DPY19L3: variants seen among roughly 807,000 people sequenced by gnomAD.
The protein encoded by DPY19L3 is protein C-mannosyl-transferase DPY19L3.
Under a neutral mutation model 92.3 loss-of-function variants are expected in DPY19L3, and 51 were observed. The ratio of observed to expected loss-of-function variants is 0.55; its 90% confidence interval spans 0.44 to 0.70. The LOEUF (loss-of-function observed/expected upper bound fraction) is 0.70, where lower values mean the gene tolerates loss of function less well. Among genes scored for constraint, DPY19L3 ranks in the 30% least tolerant of loss-of-function variants. DPY19L3 has a pLI of 0.00. For missense variants in DPY19L3, 706 were observed against 855.9 expected, an observed-to-expected ratio of 0.82 and a Z score of 2.18; for synonymous variants, 309 against 315.2, an observed-to-expected ratio of 0.98 and a Z score of 0.21.
rs201200787 is a variant in DPY19L3, at chr19:32,461,686, TAAAA to T, written c.1323-1676_1323-1673del. ...TAGGAAAAAAAGGATTTCTGGGAAA[TAAAA>T]AAAGTCTCTAGTTACATAGAGAAGC... On this transcript the variant is annotated intron_variant, in intron 12 of 18. Transcript: ENST00000392250. 4.6e-5 allele frequency among the ~76,000 whole-genome samples: 7 copies of T among 152,218 alleles called. No individual in the cohort carries two copies. In the South Asian group the frequency reaches 1.5e-3, roughly 32 times the overall value.
chr19:32,423,422 G>GTTTTTTTTTTTTTTTTTTTTTTT (rs1599601418), intron 3 of DPY19L3, among the ~76,000 whole-genome samples: 1 of 48,484 alleles, frequency 2.1e-5, no homozygotes, highest in African/African-American at 7.7e-5. Flanking sequence ...TTTTTTTTTG[G>GTTTTTTTTTTTTTTTTTTTTTTT]TATTTTTAGT....
At chr19:32,413,556 C>T (rs1448898108) in intron 3 of DPY19L3, among the ~76,000 whole-genome samples, 2 of 151,390 alleles carry the variant, frequency 1.3e-5, no homozygotes, top group East Asian at 1.9e-4. Context: ...CCCACTAACT[C>T]GTCATCTAGC....
chr19:32,433,350 A>G (rs1283057267), intron 4 of DPY19L3, among the ~76,000 whole-genome samples: 2 of 152,234 alleles, frequency 1.3e-5, no homozygotes, highest in Admixed American at 6.5e-5. Context: ...GTGACAGAAA[A>G]CTGCTCTTTT....
intron 1 of DPY19L3, among the ~76,000 whole-genome samples, chr19:32,407,092 T>C (rs868453893): frequency 2.6e-5 from 4 of 151,588 alleles, no homozygotes; most frequent in Non-Finnish European, 4.4e-5. Flanking sequence ...TAGGAATTAA[T>C]AAACTGTGGA....
chr19:32,437,137 G>A (rs1344037281), intron 5 of DPY19L3, 57 bp from the exon 6 acceptor site: 8 of 1,600,306 alleles, frequency 5.0e-6, no homozygotes, highest in Non-Finnish European at 6.8e-6. Flanking sequence ...GTTTTAAATG[G>A]CACTGAGGAG....
intron 14 of DPY19L3, 113 bp from the exon 15 acceptor site, chr19:32,464,615 T>C (rs1970145688): frequency 1.7e-6 from 1 of 593,682 alleles, no homozygotes; most frequent in Non-Finnish European, 2.8e-6. Context: ...GACAGGAAAA[T>C]CACTTGAGCC....
chr19:32,419,670 G>A (rs1192410381), intron 3 of DPY19L3, among the ~76,000 whole-genome samples: 3 of 152,018 alleles, frequency 2.0e-5, no homozygotes, highest in Non-Finnish European at 4.4e-5. Context: ...TTGGCCTCAA[G>A]CAAGCCTCCC....
chr19:32,448,377 A>C (rs1969586917), intron 8 of DPY19L3, among the ~76,000 whole-genome samples: 1 of 152,294 alleles, frequency 6.6e-6, no homozygotes, highest in South Asian at 2.1e-4. Flanking sequence ...TTGACCCTTA[A>C]ACAACACAGG....
intron 3 of DPY19L3, among the ~76,000 whole-genome samples, chr19:32,426,347 T>C (rs988300616): frequency 1.3e-5 from 2 of 152,244 alleles, no homozygotes; most frequent in Non-Finnish European, 2.9e-5. Context: ...TTCATTCTTA[T>C]CATTGGTGCG....
intron 12 of DPY19L3, among the ~76,000 whole-genome samples, chr19:32,459,456 C>G (rs1969971704): frequency 6.6e-6 from 1 of 152,118 alleles, no homozygotes; most frequent in Non-Finnish European, 1.5e-5. Flanking sequence ...GTTTTATGAT[C>G]ATTAAGAATG....
Position 32,432,736 on chromosome 19 carries a change from A to T in DPY19L3, c.258A>T (p.Ser86=), listed in dbSNP as rs765449833. Residue 86 remains serine, a synonymous_variant, in exon 4 of 19, where the codon TCA becomes TCT. Transcript: ENST00000392250. ...SNIKEVEREI[S]FRTECGLYYS... Reference sequence around the variant, plus strand: ...TTTAGGAAGTGGAGCGAGAAATCTCATTCAGAACAGAGTGTGGCCTGTATT... The same window carrying T: ...TTTAGGAAGTGGAGCGAGAAATCTCTTTCAGAACAGAGTGTGGCCTGTATT... The T allele has an allele frequency of 6.2e-7, 1 of 1,613,232 alleles. No individual in the cohort carries two copies. Among genetic ancestry groups the T allele is most frequent in the Non-Finnish European group, 8.5e-7 (1 of 1,179,256 alleles).
rs1382672780 is a variant in DPY19L3, at chr19:32,483,990, T to C, written c.*1750T>C. Reference sequence around the variant, plus strand: ...ATTTTGTTTTCAAAATCCTCTGTTATGGCTATATTTAAATTTATTTTAAAT... The same window carrying C: ...ATTTTGTTTTCAAAATCCTCTGTTACGGCTATATTTAAATTTATTTTAAAT... On this transcript the variant is annotated 3_prime_UTR_variant, in exon 19 of 19. Coordinates refer to ENST00000392250, the MANE Select transcript of DPY19L3 (RefSeq NM_001172774.2). The C allele has an allele frequency of 1.3e-5, 2 of 152,648 alleles. No homozygotes were observed. The highest frequency in any genetic ancestry group is 2.4e-5 in the African/African-American group (1 of 41,458). The allele number at this position is 152,648 out of a possible 1,614,324, so 9.5% of individuals were successfully genotyped here.
chr19:32,474,869 A>G (rs1457923850), intron 16 of DPY19L3, among the ~76,000 whole-genome samples: 2 of 152,182 alleles, frequency 1.3e-5, no homozygotes, highest in Non-Finnish European at 2.9e-5. Context: ...GATTACAGAC[A>G]TGAGCCACCA....
chr19:32,468,744 TGATG>T lies in DPY19L3; in HGVS notation c.1633_1636del (p.Asp545AsnfsTer5). 1 of 1,614,010 alleles carries T rather than the reference TGATG, an allele frequency of 6.2e-7. No individual in the cohort carries two copies. The highest frequency in any genetic ancestry group is 8.5e-7 in the Non-Finnish European group (1 of 1,179,948). The stretch of plus-strand genomic sequence containing the variant: ...TTTTAATTTCAGTTCTGGCCAGGAA[TGATG>T]GATGAACTCTCCGAGTTGAGAGAAT... On this transcript the variant is annotated frameshift_variant, in exon 16 of 19. Transcript: ENST00000392250. LOFTEE classifies it high-confidence loss of function.
At position 32,436,455 on chromosome 19, in the gene DPY19L3, G is replaced by A; in HGVS notation, c.338G>A (p.Gly113Asp). Residue 113 changes from glycine to aspartate, a missense_variant, in exon 5 of 19, where the codon GGC becomes GAC. Physicochemically the swap from Gly to Asp is moderately conservative, Grantham distance 94. Transcript: ENST00000392250. Reference protein sequence around the residue: ...QAPTLVQGFHGLIYDNKTESM... With the variant: ...QAPTLVQGFHDLIYDNKTESM... ...TTTCACATATCTATAGGTTTTCATG[G>A]CCTAATATATGATAATAAAACTGAA... The A allele has an allele frequency of 1.3e-6, 2 of 1,517,430 alleles. No homozygotes were observed. The highest frequency in any genetic ancestry group is 1.8e-6 in the Non-Finnish European group (2 of 1,112,148). The allele number at this position is 1,517,430 out of a possible 1,614,324, so 94.0% of individuals were successfully genotyped here.
chr19:32,481,248 C>G (rs1436806944), intron 18 of DPY19L3: 1 of 152,950 alleles, frequency 6.5e-6, no homozygotes, highest in Admixed American at 6.5e-5. Context: ...AGTGACAAAC[C>G]TAGCCTAAAT....
At chr19:32,422,629 A>AACACACACAC (rs66481682) in intron 3 of DPY19L3, among the ~76,000 whole-genome samples, 6,572 of 146,744 alleles carry the variant, frequency 0.045, 413 homozygotes, top group African/African-American at 0.14. Flanking sequence ...AATCAGGAAA[A>AACACACACAC]ACACACACAC....
At chr19:32,463,082 GTT>G (rs5827799) in intron 12 of DPY19L3, among the ~76,000 whole-genome samples, 10 of 148,682 alleles carry the variant, frequency 6.7e-5, no homozygotes, top group African/African-American at 1.2e-4. Context: ...AAAAATTTGA[GTT>G]TTTTTTTTTG....
intron 2 of DPY19L3, among the ~76,000 whole-genome samples, chr19:32,410,133 T>G (rs550537757): frequency 6.6e-6 from 1 of 152,196 alleles, no homozygotes; most frequent in Non-Finnish European, 1.5e-5. Flanking sequence ...TTGGCCAAGA[T>G]TTAAGTATAA....
Sources: gnomAD v4.1 joint callset for allele counts (sites outside exome capture counted in the v4.1 genomes callset) on GRCh38, gnomAD v4.1.1 for gene constraint, MANE v1.5 for transcripts, NCBI Gene and HGNC (gene_info 2026-07-23, HGNC 2026-07-21) for gene names.